Variants in AFF2 observed in about 807,000 individuals in gnomAD.
AFF2 encodes AF4/FMR2 family member 2.
AFF2 carries 14 observed loss-of-function variants against 76.9 expected under a neutral mutation model. The ratio of observed to expected loss-of-function variants is 0.18; its 90% CI spans 0.12 to 0.28. The LOEUF (loss-of-function observed/expected upper bound fraction) is 0.28. Among genes scored for constraint, AFF2 ranks in the 10% least tolerant of loss-of-function variants. The pLI is 1.00. For synonymous variants in AFF2, 398 were observed against 366.7 expected (o/e 1.09, Z -0.98); for missense variants, 868 against 1,001.1 (o/e 0.87, Z 1.79).
intron 3 of AFF2, among the ~76,000 whole-genome samples, chrX:148,701,341 T>C (rs1460968882): frequency 4.5e-5 from 5 of 111,361 alleles, no homozygotes; most frequent in African/African-American, 1.6e-4. Context: ...TAAAGTGCTT[T>C]TTAAAAATGG....
intron 1 of AFF2, among the ~76,000 whole-genome samples, chrX:148,594,285 G>A (rs782339682): frequency 5.4e-5 from 6 of 111,666 alleles, no homozygotes; most frequent in Non-Finnish European, 1.1e-4. Context: ...AATACATCTG[G>A]AACACCCTCC....
chrX:148,659,813 A>G (rs1288768100), intron 2 of AFF2, among the ~76,000 whole-genome samples: 1 of 112,327 alleles, frequency 8.9e-6, no homozygotes, highest in African/African-American at 3.2e-5. Context: ...CAAAGAGTTT[A>G]TTCTTGTCTG....
At chrX:148,553,449 G>A (rs1173262040) in intron 1 of AFF2, among the ~76,000 whole-genome samples, 3 of 111,907 alleles carry the variant, frequency 2.7e-5, no homozygotes, top group Admixed American at 1.9e-4. Flanking sequence ...TTTGTTACAA[G>A]CATATTTTAT....
intron 4 of AFF2, among the ~76,000 whole-genome samples, chrX:148,824,590 T>A (rs2070365793): frequency 8.9e-6 from 1 of 111,951 alleles, no homozygotes; most frequent in African/African-American, 3.2e-5. Flanking sequence ...TAAAAAGCCA[T>A]TACTTGGAAT....
chrX:148,765,626 G>T (rs1557267646), intron 3 of AFF2, among the ~76,000 whole-genome samples: 1 of 111,292 alleles, frequency 9.0e-6, no homozygotes, highest in Non-Finnish European at 1.9e-5. Context: ...ACCCTGTGAA[G>T]GATTAGATTA....
intron 9 of AFF2, among the ~76,000 whole-genome samples, chrX:148,945,180 A>G (rs2071886185): frequency 9.0e-6 from 1 of 111,564 alleles, no homozygotes; most frequent in African/African-American, 3.3e-5. Flanking sequence ...GGACGTGCTC[A>G]CAGGAAAGAA....
chrX:148,826,577 C>T (rs1248737612), intron 4 of AFF2, among the ~76,000 whole-genome samples: 1 of 111,571 alleles, frequency 9.0e-6, no homozygotes. Flanking sequence ...TATAGCGTGC[C>T]TGTGGGGCCA....
intron 19 of AFF2, among the ~76,000 whole-genome samples, chrX:148,985,625 A>T (rs1414836874): frequency 9.0e-6 from 1 of 110,772 alleles, no homozygotes; most frequent in Non-Finnish European, 1.9e-5. Context: ...TACCACAACA[A>T]AGAAACCCAG....
intron 1 of AFF2, among the ~76,000 whole-genome samples, chrX:148,578,003 G>A (rs782610295): frequency 1.8e-5 from 2 of 112,483 alleles, no homozygotes; most frequent in Admixed American, 9.4e-5. Context: ...GCAAATACTG[G>A]ACTGATGCTT....
In AFF2 at chrX:148,581,261, CGT is replaced by C. The variant is rs1557244724; in HGVS notation, c.48-70735_48-70734del. Among the ~76,000 whole-genome samples, 10 of 83,320 alleles carry C rather than the reference CGT, an allele frequency of 1.2e-4. 2 individuals are homozygous for C. The highest frequency in any genetic ancestry group is 1.7e-4 in the African/African-American group (4 of 23,484). The allele number at this position is 83,320 out of a possible 115,157, so 72.4% of individuals were successfully genotyped here. A position where few individuals can be genotyped will look rare whatever the true frequency, so the allele number is the denominator to read the frequency against. ...ATACGTGTACACACATATACGTATA[CGT>C]GTACACACATATACACGTATATACG... On this transcript the variant is annotated intron_variant, in intron 1 of 20. Transcript: ENST00000370460.
intron 3 of AFF2, among the ~76,000 whole-genome samples, chrX:148,735,948 C>T (rs1180286617): frequency 8.9e-6 from 1 of 112,026 alleles, no homozygotes; most frequent in Admixed American, 9.5e-5. Flanking sequence ...ACTGTTAATT[C>T]ATTCCTTTTT....
intron 3 of AFF2, among the ~76,000 whole-genome samples, chrX:148,807,306 GAAC>G (rs1230968460): frequency 8.9e-6 from 1 of 112,123 alleles, no homozygotes; most frequent in Non-Finnish European, 1.9e-5. Context: ...AAAGTAAGGA[GAAC>G]AACAGGACAA....
intron 8 of AFF2, among the ~76,000 whole-genome samples, chrX:148,891,082 C>T (rs782747671): frequency 1.8e-5 from 2 of 111,688 alleles, no homozygotes; most frequent in Non-Finnish European, 3.8e-5. Flanking sequence ...GATATAAAAT[C>T]CAGCCCTGGC....
intron 1 of AFF2, among the ~76,000 whole-genome samples, chrX:148,585,852 A>G (rs1428580649): frequency 9.9e-6 from 1 of 101,306 alleles, no homozygotes; most frequent in Admixed American, 1.1e-4. Flanking sequence ...AAAAAAAAAA[A>G]AAAAAGAAAA....
chrX:148,897,088 C>T (rs1271211079), intron 8 of AFF2, among the ~76,000 whole-genome samples: 1 of 102,195 alleles, frequency 9.8e-6, no homozygotes, highest in Admixed American at 1.1e-4. Flanking sequence ...CCTACATTCT[C>T]CATTGCATAC....
chrX:148,752,732 C>T (rs1265758822), intron 3 of AFF2, among the ~76,000 whole-genome samples: 4 of 111,542 alleles, frequency 3.6e-5, no homozygotes, highest in African/African-American at 9.8e-5. Context: ...GGCAGAAATT[C>T]GTGTTTTTAT....
At position 148,999,569 on chromosome X, in the gene AFF2, A is replaced by G. The variant is rs1557293925; in HGVS notation, c.*8237A>G. 9.0e-6 allele frequency: 1 copy of G among 110,924 alleles called. No homozygotes were observed. The highest frequency in any genetic ancestry group is 2.8e-4 in the East Asian group (1 of 3,530). The allele number at this position is 110,924 out of a possible 1,213,427, so 9.1% of individuals were successfully genotyped here. ...GGCAAGCCATAACTGCACAAAGAGT[A>G]CACATCGTCAGTGTGTGTGTGTGTG... On this transcript the variant is annotated 3_prime_UTR_variant, in exon 21 of 21. Transcript: ENST00000370460.
intron 14 of AFF2, 133 bp downstream of exon 14, chrX:148,967,212 C>T (rs2072190629): frequency 4.3e-6 from 4 of 938,859 alleles, no homozygotes; most frequent in Non-Finnish European, 5.7e-6. Context: ...CTTAAAAGTC[C>T]ACCCCACCCC....
chrX:148,695,487 CAT>C (rs1158441573), intron 3 of AFF2, among the ~76,000 whole-genome samples: 2 of 112,328 alleles, frequency 1.8e-5, no homozygotes, highest in Admixed American at 1.9e-4. Flanking sequence ...TTTACACTGT[CAT>C]GGTTGATTGG....
Sources: gnomAD v4.1 joint callset for allele counts (sites outside exome capture counted in the v4.1 genomes callset) on GRCh38, gnomAD v4.1.1 for gene constraint, MANE v1.5 for transcripts, NCBI Gene and HGNC (gene_info 2026-07-23, HGNC 2026-07-21) for gene names.